Variants in GUCA1C observed in about 807,000 individuals in gnomAD.
GUCA1C encodes guanylate cyclase activator 1C.
A neutral mutation model predicts 16.2 loss-of-function variants in GUCA1C; 15 were observed. That is an observed-to-expected ratio of 0.93 (90% confidence interval 0.62 to 1.43). The LOEUF is 1.43. Ranked by LOEUF, GUCA1C falls within the 40% of genes most tolerant of loss-of-function variation. The probability of loss-of-function intolerance (pLI) is 0.00; values close to 1 mark genes in which losing one functional copy is unlikely to be tolerated. For synonymous variants in GUCA1C, 78 were observed against 85.4 expected (o/e 0.91, Z 0.48); for missense variants, 275 against 244.8 (o/e 1.12, Z -0.82).
intron 3 of GUCA1C, among the ~76,000 whole-genome samples, chr3:108,909,428 G>A (rs1946424857): frequency 6.6e-6 from 1 of 152,130 alleles, no homozygotes; most frequent in Admixed American, 6.5e-5. Context: ...GAGTCCCATG[G>A]GTCAGTGGCA....
In GUCA1C at chr3:108,943,627, G is replaced by A. The variant is rs1212055094; in HGVS notation, c.204+9932C>T. ...TTTACATGCAATCCTGGAGAGTGGC[G>A]GGAGAGCCCTCCTTCGTAAAGGAGG... On this transcript the variant is annotated intron_variant, in intron 1 of 3. Coordinates refer to ENST00000261047, the MANE Select transcript of GUCA1C (RefSeq NM_005459.4). Among the ~76,000 whole-genome samples, 4 of 152,128 alleles carry A rather than the reference G, an allele frequency of 2.6e-5. No homozygotes were observed. In the South Asian group the frequency reaches 6.2e-4, roughly 24 times the overall value.
intron 3 of GUCA1C, among the ~76,000 whole-genome samples, chr3:108,914,478 C>T (rs1485443725): frequency 1.3e-5 from 2 of 152,308 alleles, no homozygotes; most frequent in East Asian, 1.9e-4. Context: ...CGTACTTCTC[C>T]GAGGAAGGTC....
chr3:108,949,406 C>A (rs1946875026), intron 1 of GUCA1C, among the ~76,000 whole-genome samples: 1 of 152,168 alleles, frequency 6.6e-6, no homozygotes, highest in African/African-American at 2.4e-5. Flanking sequence ...GAAGGTCCAG[C>A]AAAGCTGCCA....
chr3:108,946,525 A>G (rs1946845738), intron 1 of GUCA1C, among the ~76,000 whole-genome samples: 1 of 152,160 alleles, frequency 6.6e-6, no homozygotes, highest in South Asian at 2.1e-4. Flanking sequence ...CCTCATTGTA[A>G]TCAGCCTGAC....
intron 1 of GUCA1C, among the ~76,000 whole-genome samples, chr3:108,947,927 TCAAA>T (rs1223222187): frequency 6.6e-6 from 1 of 152,352 alleles, no homozygotes; most frequent in South Asian, 2.1e-4. Context: ...TTTGAAATCC[TCAAA>T]CATAGTAGCT....
chr3:108,939,269 A>C (rs1430968554), intron 1 of GUCA1C, among the ~76,000 whole-genome samples: 1 of 145,036 alleles, frequency 6.9e-6, no homozygotes. Flanking sequence ...AAATGGCAGA[A>C]TTTGATGGTG....
intron 1 of GUCA1C, among the ~76,000 whole-genome samples, chr3:108,941,412 G>A (rs539124687): frequency 2.0e-4 from 30 of 152,192 alleles, no homozygotes; most frequent in Non-Finnish European, 3.5e-4. Context: ...TGTGGTTTGA[G>A]TTCCAAACCC....
intron 1 of GUCA1C, among the ~76,000 whole-genome samples, chr3:108,936,287 A>G (rs982863625): frequency 2.6e-5 from 4 of 152,150 alleles, no homozygotes; most frequent in African/African-American, 9.7e-5. Flanking sequence ...TGTACATGTG[A>G]AAATATTATC....
At chr3:108,951,671 C>T (rs915289567) in intron 1 of GUCA1C, among the ~76,000 whole-genome samples, 11 of 151,918 alleles carry the variant, frequency 7.2e-5, no homozygotes, top group African/African-American at 2.7e-4. Context: ...ATTGAGATCC[C>T]CACACCTTTT....
chr3:108,952,425 G>A (rs1193829069), intron 1 of GUCA1C, among the ~76,000 whole-genome samples: 1 of 152,166 alleles, frequency 6.6e-6, no homozygotes, highest in African/African-American at 2.4e-5. Context: ...TGAACAGGCA[G>A]TGCTTAACTC....
Position 108,908,008 on chromosome 3 carries a change from A to G in GUCA1C, c.*14T>C, listed in dbSNP as rs1400798312. ...TGTTGTGCTCATTGATAGCTGGGAC[A>G]GGTATTCTCACAGCTACTTCATTTT... On this transcript the variant is annotated 3_prime_UTR_variant, in exon 4 of 4. Coordinates refer to ENST00000261047, the MANE Select transcript of GUCA1C (RefSeq NM_005459.4). 1 of 1,589,352 alleles carries G rather than the reference A, an allele frequency of 6.3e-7. No homozygotes were observed. The highest frequency in any genetic ancestry group is 2.2e-5 in the East Asian group (1 of 44,674).
At chr3:108,911,369 T>G (rs1439500630) in intron 3 of GUCA1C, among the ~76,000 whole-genome samples, 5 of 152,218 alleles carry the variant, frequency 3.3e-5, no homozygotes, top group African/African-American at 1.2e-4. Context: ...ATCCTGGTTT[T>G]AAAATAAATC....
chr3:108,922,460 T>C (rs943342194), intron 1 of GUCA1C, among the ~76,000 whole-genome samples: 20 of 152,216 alleles, frequency 1.3e-4, no homozygotes, highest in African/African-American at 4.8e-4. Context: ...CCACCAGCAG[T>C]GTAAAAGTGT....
intron 1 of GUCA1C, among the ~76,000 whole-genome samples, chr3:108,921,569 C>T (rs1222504639): frequency 6.6e-6 from 1 of 152,116 alleles, no homozygotes; most frequent in Non-Finnish European, 1.5e-5. Flanking sequence ...TGAATGAGAG[C>T]TCCTGTTGCA....
chr3:108,948,981 G>T lies in GUCA1C; in HGVS notation c.204+4578C>A, dbSNP rs111876650. Among the ~76,000 whole-genome samples the T allele has an allele frequency of 6.4e-3, 979 of 152,012 alleles. 10 individuals carry two copies. Among genetic ancestry groups the T allele is most frequent in the Middle Eastern group, 0.054 (16 of 294 alleles). On this transcript the variant is annotated intron_variant, in intron 1 of 3. Transcript: ENST00000261047. ...TCTTGTCTCAGCCTCCCGAGCAGCT[G>T]GGATTACAGGTGCCCACCACCACGC...
At chr3:108,947,064 T>G (rs1946851064) in intron 1 of GUCA1C, among the ~76,000 whole-genome samples, 1 of 152,170 alleles carries the variant, frequency 6.6e-6, no homozygotes, top group African/African-American at 2.4e-5. Flanking sequence ...TGAGATGATG[T>G]ATATTTTAAT....
chr3:108,947,049 G>C (rs545060022), intron 1 of GUCA1C, among the ~76,000 whole-genome samples: 1 of 152,078 alleles, frequency 6.6e-6, no homozygotes, highest in Non-Finnish European at 1.5e-5. Context: ...GAAATGATAA[G>C]TATGTGAGAT....
upstream of GUCA1C, among the ~76,000 whole-genome samples, chr3:108,954,886 G>A (rs745951638): frequency 4.6e-5 from 7 of 151,752 alleles, no homozygotes; most frequent in African/African-American, 9.7e-5. Flanking sequence ...ACAGGCGCCC[G>A]CCACCACGCC....
intron 2 of GUCA1C, 119 bp downstream of exon 2, chr3:108,920,317 T>C: frequency 1.4e-6 from 1 of 731,414 alleles, no homozygotes; most frequent in Non-Finnish European, 2.4e-6. Context: ...ACTTCAGCAA[T>C]TCAAAATGTA....
Sources: allele counts gnomAD v4.1 joint callset (sites outside exome capture counted in the v4.1 genomes callset), GRCh38; gene constraint gnomAD v4.1.1; transcripts MANE v1.5; gene names NCBI Gene and HGNC (gene_info 2026-07-23, HGNC 2026-07-21).